NAV1: variants seen among roughly 807,000 people sequenced by gnomAD.
NAV1 encodes neuron navigator 1, also known as pore membrane and/or filament interacting like protein 3.
In NAV1, 18 loss-of-function variants were observed where a neutral mutation model predicts 175.2. The observed-to-expected ratio is 0.10, with a 90% CI of 0.07 to 0.15. NAV1 has a LOEUF of 0.15. Among genes scored for constraint, NAV1 ranks in the 10% least tolerant of loss-of-function variants. The pLI is 1.00. For missense variants in NAV1, 1,731 were observed against 2,436.6 expected (o/e 0.71, Z 6.10); for synonymous variants, 897 against 978.7 (o/e 0.92, Z 1.56).
chr1:201,544,102 T>A (rs888791480), intron 1 of NAV1, among the ~76,000 whole-genome samples: 2 of 152,170 alleles, frequency 1.3e-5, no homozygotes, highest in Non-Finnish European at 2.9e-5. Flanking sequence ...GGATTCTCCA[T>A]CTTGGTTGCA....
chr1:201,649,313 G>A (rs1292484052), exon 1 of NAV1: 1 of 1,612,636 alleles, frequency 6.2e-7, no homozygotes, highest in Non-Finnish European at 8.5e-7. Flanking sequence ...AGAGCTCTGG[G>A]CCTGTCCCCT....
chr1:201,736,486 G>A (rs1673118389), intron 3 of NAV1, among the ~76,000 whole-genome samples: 1 of 152,174 alleles, frequency 6.6e-6, no homozygotes, highest in East Asian at 1.9e-4. Flanking sequence ...ATCTTTCGAT[G>A]TCTCTGTTGG....
intron 1 of NAV1, among the ~76,000 whole-genome samples, chr1:201,548,972 C>G (rs1476823605): frequency 1.3e-5 from 2 of 152,194 alleles, no homozygotes; most frequent in Non-Finnish European, 2.9e-5. Context: ...AGAGGTGGGA[C>G]AGGAAACTGT....
rs1477171395 is a variant in NAV1, at chr1:201,782,472, A to T, written c.1960A>T (p.Ser654Cys). ...CAAGACTAGCTTAGATGTTTCCAAC[A>T]GTGCAGAGCCAGGATTCCTGGCTCC... The change falls in exon 6 of 30, where the codon AGT (serine) becomes TGT (cysteine). Residue 654 changes from serine to cysteine, a missense_variant. Coordinates refer to ENST00000367296, the Ensembl canonical transcript of NAV1. This position sits in a 1 kb window ranked among gnomAD's most constrained non-coding sequence, Gnocchi z 5.4. 5.6e-6 allele frequency: 9 copies of T among 1,613,834 alleles called. No homozygotes were observed. The highest frequency in any genetic ancestry group is 1.6e-4 in the Middle Eastern group (1 of 6,062).
chr1:201,728,993 C>G (rs561457326), intron 3 of NAV1, among the ~76,000 whole-genome samples: 1 of 152,312 alleles, frequency 6.6e-6, no homozygotes, highest in South Asian at 2.1e-4. Context: ...GAGTTTTCAC[C>G]TAGTGTGATG....
chr1:201,813,830 G>A lies in NAV1; in HGVS notation c.5340+572G>A, dbSNP rs1678844932. ...CCCAGCACTGTGGGAGGCCGAGGCG[G>A]GCAGATCACCAGGTCAGGAGATCAG... On this transcript the variant is annotated intron_variant, in intron 28 of 29. Transcript: ENST00000367296. The surrounding 1 kb of genome is among the most constrained non-coding windows in gnomAD (Gnocchi z 4.2). Among the ~76,000 whole-genome samples, 1 of 152,020 alleles carries A rather than the reference G, an allele frequency of 6.6e-6. No individual in the cohort carries two copies. The highest frequency in any genetic ancestry group is 1.5e-5 in the Non-Finnish European group (1 of 67,992).
chr1:201,727,543 A>G (rs1672659269), intron 3 of NAV1, among the ~76,000 whole-genome samples: 2 of 152,238 alleles, frequency 1.3e-5, no homozygotes, highest in Admixed American at 1.3e-4. Flanking sequence ...TTGGGCTGTC[A>G]GTCCTTCACT....
chr1:201,624,150 A>G, intron 1 of NAV1, among the ~76,000 whole-genome samples: 1 of 152,130 alleles, frequency 6.6e-6, no homozygotes, highest in East Asian at 1.9e-4. Flanking sequence ...TGCCTTGTGC[A>G]TATCTGCTTA....
chr1:201,624,598 A>G, intron 1 of NAV1, among the ~76,000 whole-genome samples: 1 of 151,840 alleles, frequency 6.6e-6, no homozygotes, highest in Non-Finnish European at 1.5e-5. Flanking sequence ...CGCCCACCTC[A>G]GCCTCCCAAA....
intron 15 of NAV1, among the ~76,000 whole-genome samples, chr1:201,802,632 T>C (rs1678008119): frequency 6.7e-6 from 1 of 150,266 alleles, no homozygotes; most frequent in Non-Finnish European, 1.5e-5. Flanking sequence ...TACGAAAAAA[T>C]TAGTGGGCCT....
At chr1:201,683,860 G>A (rs1670565328) in intron 1 of NAV1, among the ~76,000 whole-genome samples, 2 of 149,766 alleles carry the variant, frequency 1.3e-5, no homozygotes, top group Admixed American at 1.3e-4. Context: ...CGTTCAAGGA[G>A]GGCTTCACCT....
chr1:201,602,746 T>G (rs1175622275), intron 2 of NAV1, among the ~76,000 whole-genome samples: 4 of 150,758 alleles, frequency 2.7e-5, no homozygotes, highest in African/African-American at 4.9e-5. Context: ...CCTTGAGAGC[T>G]GCTCTTGGCT....
intron 2 of NAV1, among the ~76,000 whole-genome samples, chr1:201,609,112 T>C (rs191580626): frequency 6.6e-6 from 1 of 152,220 alleles, no homozygotes. Flanking sequence ...TGGAGTCCTG[T>C]CCAGTGTTCT....
intron 1 of NAV1, among the ~76,000 whole-genome samples, chr1:201,572,678 T>A (rs1666581105): frequency 6.6e-6 from 1 of 152,096 alleles, no homozygotes; most frequent in African/African-American, 2.4e-5. Flanking sequence ...AGATTCTAAT[T>A]TCTTTTAGCC....
Position 201,808,770 on chromosome 1 carries a change from C to T in NAV1, c.4106C>T (p.Ser1369Phe), listed in dbSNP as rs777746347. Reference sequence around the variant, plus strand: ...GTAGCCCCAGGCCCCTCATCAGGCTCCACTCCAGGGCAGGTCCCTGGATCA... The same window carrying T: ...GTAGCCCCAGGCCCCTCATCAGGCTTCACTCCAGGGCAGGTCCCTGGATCA... Residue 1369 changes from serine to phenylalanine, a missense_variant, in exon 20 of 30, where the codon TCC (serine) becomes TTC (phenylalanine). Ser to Phe is a radical substitution (Grantham distance 155). Coordinates refer to ENST00000367296, the Ensembl canonical transcript of NAV1. The surrounding 1 kb of genome is among the most constrained non-coding windows in gnomAD (Gnocchi z 5.5). 8 of 1,614,070 alleles carry T rather than the reference C, an allele frequency of 5.0e-6. No homozygotes were observed. The highest frequency in any genetic ancestry group is 6.8e-6 in the Non-Finnish European group (8 of 1,180,046).
chr1:201,760,714 T>C (rs1006201971), intron 3 of NAV1, among the ~76,000 whole-genome samples: 1 of 152,182 alleles, frequency 6.6e-6, no homozygotes, highest in Admixed American at 6.5e-5. Flanking sequence ...AACAGAGTGT[T>C]ATGGTGAATC....
chr1:201,707,134 C>T (rs553012000), intron 1 of NAV1, among the ~76,000 whole-genome samples: 18 of 152,286 alleles, frequency 1.2e-4, no homozygotes, highest in Non-Finnish European at 2.4e-4. Context: ...CTACCTCATC[C>T]ACCCCTAACT....
At chr1:201,748,067 CT>C (rs1490311495) in intron 3 of NAV1, among the ~76,000 whole-genome samples, 1 of 152,220 alleles carries the variant, frequency 6.6e-6, no homozygotes, top group African/African-American at 2.4e-5. Flanking sequence ...GGAAAGGCGG[CT>C]CTCTGAGTGA....
At chr1:201,625,045 A>G (rs1668290483) in intron 1 of NAV1, among the ~76,000 whole-genome samples, 1 of 152,222 alleles carries the variant, frequency 6.6e-6, no homozygotes, top group South Asian at 2.1e-4. Flanking sequence ...TGGTCCCAAT[A>G]CACTCTGCAC....
Sources: gnomAD v4.1 joint callset for allele counts (sites outside exome capture counted in the v4.1 genomes callset) on GRCh38, gnomAD v4.1.1 for gene constraint, Gnocchi (gnomAD v3.1) non-coding constraint, MANE v1.5 for transcripts, NCBI Gene and HGNC (gene_info 2026-07-23, HGNC 2026-07-21) for gene names.